The following CADM2 variants were observed in gnomAD, a reference collection of about 807,000 sequenced individuals.
CADM2 encodes the protein immunoglobulin superfamily member 4D.
CADM2 carries 12 observed loss-of-function variants against 49.8 expected under a neutral mutation model. The observed-to-expected ratio is 0.24, with a 90% CI of 0.15 to 0.39. The LOEUF (loss-of-function observed/expected upper bound fraction) is 0.39. CADM2 is among the 10% of genes least tolerant of loss of function. The probability of loss-of-function intolerance (pLI) is 1.00; values close to 1 mark genes in which losing one functional copy is unlikely to be tolerated. For synonymous variants in CADM2, 214 were observed against 175.4 expected (o/e 1.22, Z -1.74); for missense variants, 378 against 492.3 (o/e 0.77, Z 2.20).
intron 1 of CADM2, among the ~76,000 whole-genome samples, chr3:85,272,796 T>C (rs146433195): frequency 1.2e-3 from 187 of 151,442 alleles, no homozygotes; most frequent in African/African-American, 4.4e-3. Context: ...TAAATACTTA[T>C]CAGTCTCCTA....
intron 1 of CADM2, among the ~76,000 whole-genome samples, chr3:85,281,398 C>G (rs1314551267): frequency 6.6e-6 from 1 of 151,794 alleles, no homozygotes; most frequent in South Asian, 2.1e-4. Flanking sequence ...TCGATCAAAC[C>G]TATTCTGGAG....
intron 2 of CADM2, among the ~76,000 whole-genome samples, chr3:85,778,162 T>C (rs1221563768): frequency 6.6e-6 from 1 of 152,154 alleles, no homozygotes; most frequent in Non-Finnish European, 1.5e-5. Context: ...TATTAGTCTG[T>C]TTATATTATT....
chr3:85,115,610 T>C lies in CADM2; in HGVS notation c.61+155942T>C, dbSNP rs937086876. 5.9e-5 allele frequency among the ~76,000 whole-genome samples: 9 copies of C among 152,188 alleles called. 1 individual carries two copies. The highest frequency in any genetic ancestry group is 1.0e-4 in the Non-Finnish European group (7 of 68,028). Reference sequence around the variant, plus strand: ...TGACCTTGAACAGGTGATTTAACCTTTCTGAAATTCATTTTTTTCTTTGGT... The same window carrying C: ...TGACCTTGAACAGGTGATTTAACCTCTCTGAAATTCATTTTTTTCTTTGGT... On this transcript the variant is annotated intron_variant, in intron 1 of 9. Coordinates refer to ENST00000383699, the MANE Select transcript of CADM2 (RefSeq NM_001167675.2).
At chr3:85,014,524 CTCCT>C (rs1381879169) in intron 1 of CADM2, among the ~76,000 whole-genome samples, 1 of 152,122 alleles carries the variant, frequency 6.6e-6, no homozygotes, top group Admixed American at 6.5e-5. Context: ...TTTCAGGCAT[CTCCT>C]GGAGGGTTTG....
At chr3:85,078,920 CAG>C (rs2037054817) in intron 1 of CADM2, among the ~76,000 whole-genome samples, 1 of 151,696 alleles carries the variant, frequency 6.6e-6, no homozygotes, top group Middle Eastern at 3.4e-3. Flanking sequence ...GAAATGCTAA[CAG>C]TGTATATTAA....
chr3:85,194,643 T>G (rs1335811226), intron 1 of CADM2, among the ~76,000 whole-genome samples: 4 of 151,980 alleles, frequency 2.6e-5, no homozygotes, highest in Non-Finnish European at 5.9e-5. Context: ...TAAATAAGAA[T>G]CTAGGTCATA....
At chr3:85,106,466 T>G (rs2038231322) in intron 1 of CADM2, among the ~76,000 whole-genome samples, 2 of 152,114 alleles carry the variant, frequency 1.3e-5, no homozygotes, top group South Asian at 4.1e-4. Flanking sequence ...GTACATAGTT[T>G]TAAAGGAGGA....
intron 1 of CADM2, among the ~76,000 whole-genome samples, chr3:85,522,044 C>T (rs955095651): frequency 3.9e-5 from 6 of 151,988 alleles, no homozygotes; most frequent in Admixed American, 3.9e-4. Context: ...ATGTCAAAGA[C>T]AGTATTTATT....
At chr3:85,104,933 T>C (rs2038154168) in intron 1 of CADM2, among the ~76,000 whole-genome samples, 1 of 152,196 alleles carries the variant, frequency 6.6e-6, no homozygotes, top group Non-Finnish European at 1.5e-5. Context: ...ATCCTGAGAC[T>C]TTGCTGAAGT....
intron 8 of CADM2, among the ~76,000 whole-genome samples, chr3:85,985,059 A>G (rs1316759859): frequency 2.0e-5 from 3 of 151,988 alleles, no homozygotes; most frequent in Non-Finnish European, 2.9e-5. Context: ...ATTCTTAACA[A>G]TTTAATTGTG....
chr3:85,045,896 G>T (rs2035635633), intron 1 of CADM2, among the ~76,000 whole-genome samples: 2 of 151,940 alleles, frequency 1.3e-5, no homozygotes, highest in African/African-American at 4.8e-5. Flanking sequence ...TTTTCATATT[G>T]GTCTATTCAG....
intron 1 of CADM2, among the ~76,000 whole-genome samples, chr3:85,468,395 C>T (rs1214031641): frequency 6.6e-6 from 1 of 151,912 alleles, no homozygotes; most frequent in East Asian, 2.0e-4. Context: ...GTGTCCTGTC[C>T]AGAGCTGTCT....
intron 1 of CADM2, among the ~76,000 whole-genome samples, chr3:85,293,134 C>T (rs1364623683): frequency 6.6e-6 from 1 of 152,144 alleles, no homozygotes; most frequent in African/African-American, 2.4e-5. Context: ...GAAATACAAA[C>T]TACCATCAGA....
chr3:85,415,428 A>AAG (rs1190112188), intron 1 of CADM2, among the ~76,000 whole-genome samples: 1 of 151,708 alleles, frequency 6.6e-6, no homozygotes, highest in African/African-American at 2.4e-5. Flanking sequence ...CCAAAAAAAA[A>AAG]AAACTAGCCT....
At chr3:85,541,750 ATATT>A (rs1559897587) in intron 1 of CADM2, among the ~76,000 whole-genome samples, 8 of 26,896 alleles carry the variant, frequency 3.0e-4, no homozygotes, top group Admixed American at 1.6e-3. Flanking sequence ...TATATTTTAT[ATATT>A]TTATATATAT....
At chr3:85,724,337 C>T (rs897418638) in intron 1 of CADM2, among the ~76,000 whole-genome samples, 1 of 151,726 alleles carries the variant, frequency 6.6e-6, no homozygotes, top group Non-Finnish European at 1.5e-5. Context: ...ATATTTAAGT[C>T]TTCATCTTTA....
intron 8 of CADM2, chr3:86,014,633 C>A (rs1731977414): frequency 1.3e-6 from 2 of 1,587,054 alleles, no homozygotes; most frequent in Non-Finnish European, 1.7e-6. Flanking sequence ...AACAGCACCT[C>A]AAAGCTCTTA....
At chr3:85,150,923 AAAT>A (rs199583843) in intron 1 of CADM2, among the ~76,000 whole-genome samples, 1,913 of 146,794 alleles carry the variant, frequency 0.013, 35 homozygotes, top group African/African-American at 0.037. Context: ...AAATAAAAAT[AAAT>A]AATAATAATA....
intron 7 of CADM2, among the ~76,000 whole-genome samples, chr3:85,950,365 C>T (rs914234019): frequency 2.0e-5 from 3 of 151,096 alleles, no homozygotes; most frequent in Non-Finnish European, 4.5e-5. Context: ...ATTTTTCTTT[C>T]AATGCAAAAA....
Sources: gnomAD v4.1 joint callset for allele counts (sites outside exome capture counted in the v4.1 genomes callset) on GRCh38, gnomAD v4.1.1 for gene constraint, MANE v1.5 for transcripts, NCBI Gene and HGNC (gene_info 2026-07-23, HGNC 2026-07-21) for gene names.